MYBL2: variants seen among roughly 807,000 people sequenced by gnomAD.
The protein encoded by MYBL2 is MYB proto-oncogene like 2, also known as myb-related protein B.
MYBL2 carries 28 observed loss-of-function variants against 79.9 expected under a neutral mutation model. The ratio of observed to expected loss-of-function variants is 0.35; its 90% CI spans 0.26 to 0.48. The LOEUF (loss-of-function observed/expected upper bound fraction) is 0.48, where lower values mean the gene tolerates loss of function less well. Ranked by LOEUF, MYBL2 falls within the 20% of genes least tolerant of loss-of-function variation. MYBL2 has a pLI of 0.99. For synonymous variants in MYBL2, 378 were observed against 361.2 expected (o/e 1.05, Z -0.53); for missense variants, 735 against 893.9 (o/e 0.82, Z 2.27).
intron 9 of MYBL2, among the ~76,000 whole-genome samples, chr20:43,708,944 G>C (rs1301438039): frequency 2.0e-5 from 3 of 152,224 alleles, no homozygotes; most frequent in Admixed American, 6.5e-5. Context: ...GTGTGTCCCA[G>C]ATGGGGGATA....
intron 5 of MYBL2, 51 bp from the exon 6 acceptor site, chr20:43,692,106 G>T: frequency 6.3e-7 from 1 of 1,588,368 alleles, no homozygotes; most frequent in East Asian, 2.2e-5. Context: ...GTGCCTGATG[G>T]CACCCCACCC....
chr20:43,674,231 A>AC (rs1555809926), intron 2 of MYBL2, among the ~76,000 whole-genome samples: 2 of 96,958 alleles, frequency 2.1e-5, no homozygotes, highest in Non-Finnish European at 3.8e-5. Context: ...AACTCCCCCC[A>AC]CCCTTTTTTT....
intron 1 of MYBL2, 54 bp downstream of exon 1, chr20:43,667,357 C>T (rs945124821): frequency 5.2e-6 from 6 of 1,151,574 alleles, no homozygotes; most frequent in African/African-American, 4.8e-5. Flanking sequence ...ACTCACCCCT[C>T]CCCCACCCAG....
intron 10 of MYBL2, 94 bp from the exon 11 acceptor site, chr20:43,711,394 G>T: frequency 1.1e-6 from 1 of 892,602 alleles, no homozygotes. Flanking sequence ...CCTTACCCAG[G>T]ACAGCCCAGT....
intron 2 of MYBL2, among the ~76,000 whole-genome samples, chr20:43,678,137 T>C (rs1369364141): frequency 2.0e-5 from 3 of 152,016 alleles, no homozygotes; most frequent in African/African-American, 7.3e-5. Flanking sequence ...CACTCCCTAA[T>C]CTCAAGTACC....
intron 4 of MYBL2, among the ~76,000 whole-genome samples, chr20:43,686,593 G>A (rs911906706): frequency 2.0e-5 from 3 of 152,174 alleles, no homozygotes; most frequent in Admixed American, 2.0e-4. Flanking sequence ...CTCTACTCTA[G>A]AAAGGGTCTC....
chr20:43,699,238 G>T (rs1251432509), intron 6 of MYBL2, among the ~76,000 whole-genome samples: 3 of 151,912 alleles, frequency 2.0e-5, no homozygotes, highest in Non-Finnish European at 4.4e-5. Context: ...TAGAGACAGG[G>T]TTTCACCATG....
Position 43,716,368 on chromosome 20 carries a change from G to C in MYBL2, c.*281G>C. The C allele has an allele frequency of 2.1e-6, 1 of 476,450 alleles. No homozygotes were observed. The highest frequency in any genetic ancestry group is 2.6e-5 in the South Asian group (1 of 38,596). The allele number at this position is 476,450 out of a possible 1,614,324, so 29.5% of individuals were successfully genotyped here. A position where few individuals can be genotyped will look rare whatever the true frequency, so the allele number is the denominator to read the frequency against. ...CTCCGTCAGCTTCTCCCAAGCCCAC[G>C]TCAGGCCTGGCCTCATCTCAGACCC... On this transcript the variant is annotated 3_prime_UTR_variant, in exon 14 of 14. Transcript: ENST00000217026.
intron 5 of MYBL2, among the ~76,000 whole-genome samples, chr20:43,689,082 C>T (rs984355095): frequency 7.9e-5 from 12 of 152,176 alleles, no homozygotes; most frequent in African/African-American, 2.9e-4. Flanking sequence ...TGAGCCACCG[C>T]ACCTGGCCCT....
chr20:43,708,976 G>A lies in MYBL2; in HGVS notation c.1506-987G>A, dbSNP rs114329058. ...GATAACAAGGGTTTGGGAAGAGACT[G>A]TGGATCCCTGCCTAATCTCTAGGTC... On this transcript the variant is annotated intron_variant, in intron 9 of 13. Coordinates refer to ENST00000217026, the MANE Select transcript of MYBL2 (RefSeq NM_002466.4). Among the ~76,000 whole-genome samples the A allele has an allele frequency of 7.2e-3, 1,096 of 152,346 alleles. 14 individuals carry two copies. The highest frequency in any genetic ancestry group is 0.024 in the African/African-American group (1,011 of 41,572).
Position 43,674,569 on chromosome 20 carries a change from A to G in MYBL2, c.114+670A>G, listed in dbSNP as rs922019693. Among the ~76,000 whole-genome samples the G allele has an allele frequency of 1.0e-3, 146 of 142,440 alleles. 1 individual carries two copies. The highest frequency in any genetic ancestry group is 3.6e-3 in the African/African-American group (137 of 38,412). The allele number at this position is 142,440 out of a possible 152,430, so 93.4% of individuals were successfully genotyped here. On this transcript the variant is annotated intron_variant, in intron 2 of 13. Coordinates refer to ENST00000217026, the MANE Select transcript of MYBL2 (RefSeq NM_002466.4). ...TGCCCAGCTAATTTTTTTTTTTTGT[A>G]TTTTTAGTAGATACGGGGGCTTCAC... is the stretch of plus-strand genomic sequence containing the variant.
chr20:43,682,566 C>T (rs978929140), intron 3 of MYBL2, among the ~76,000 whole-genome samples: 6 of 152,190 alleles, frequency 3.9e-5, no homozygotes, highest in African/African-American at 1.4e-4. Context: ...TGGTAGGGAG[C>T]GGCTTCCCAC....
At chr20:43,681,096 C>G (rs960508326) in intron 2 of MYBL2, among the ~76,000 whole-genome samples, 1 of 152,118 alleles carries the variant, frequency 6.6e-6, no homozygotes, top group Non-Finnish European at 1.5e-5. Flanking sequence ...CACTGAGATT[C>G]ATGTTATCGC....
intron 1 of MYBL2, among the ~76,000 whole-genome samples, chr20:43,672,924 C>T (rs1449244346): frequency 2.6e-5 from 4 of 152,040 alleles, no homozygotes; most frequent in Admixed American, 1.3e-4. Context: ...ACATAATATT[C>T]TTGGTGAAAT....
intron 10 of MYBL2, 22 bp from the exon 11 acceptor site, chr20:43,711,466 G>C (rs1356341606): frequency 6.3e-7 from 1 of 1,594,038 alleles, no homozygotes; most frequent in Non-Finnish European, 8.6e-7. Flanking sequence ...CCTCACGTGG[G>C]CTGCCCCGTG....
chr20:43,696,820 G>A (rs1205223290), intron 6 of MYBL2, among the ~76,000 whole-genome samples: 3 of 152,282 alleles, frequency 2.0e-5, no homozygotes, highest in African/African-American at 4.8e-5. Flanking sequence ...TCCGCCTCCC[G>A]GGTTGAAGTG....
chr20:43,673,765 T>G (rs1371281868), intron 1 of MYBL2, 41 bp from the exon 2 acceptor site: 8 of 1,567,460 alleles, frequency 5.1e-6, no homozygotes, highest in Non-Finnish European at 7.0e-6. Context: ...GTAAAACATA[T>G]GGACACACCA....
chr20:43,705,769 T>C (rs1163998848), intron 9 of MYBL2, among the ~76,000 whole-genome samples: 1 of 151,848 alleles, frequency 6.6e-6, no homozygotes, highest in Non-Finnish European at 1.5e-5. Context: ...GGCGCGATCT[T>C]GGCTCACTGC....
At chr20:43,697,220 G>A (rs1987565384) in intron 6 of MYBL2, among the ~76,000 whole-genome samples, 1 of 152,066 alleles carries the variant, frequency 6.6e-6, no homozygotes, top group Non-Finnish European at 1.5e-5. Flanking sequence ...CAGTTTTAAT[G>A]AGCAACAAAT....
Sources: allele counts gnomAD v4.1 joint callset (sites outside exome capture counted in the v4.1 genomes callset), GRCh38; gene constraint gnomAD v4.1.1; transcripts MANE v1.5; gene names NCBI Gene and HGNC (gene_info 2026-07-23, HGNC 2026-07-21).